ADGRL2: variants seen among roughly 807,000 people sequenced by gnomAD.
The protein encoded by ADGRL2 is adhesion G protein-coupled receptor L2.
ADGRL2 carries 44 observed loss-of-function variants against 157.4 expected under a neutral mutation model. That is an observed-to-expected ratio of 0.28 (90% confidence interval 0.22 to 0.36). ADGRL2 has a LOEUF of 0.36. ADGRL2 is among the 10% of genes least tolerant of loss of function. The pLI is 1.00. For synonymous variants in ADGRL2, 585 were observed against 624.7 expected (o/e 0.94, Z 0.95); for missense variants, 1,510 against 1,768.9 (o/e 0.85, Z 2.63).
chr1:81,366,280 A>G (rs2076065056), intron 1 of ADGRL2, among the ~76,000 whole-genome samples: 1 of 139,596 alleles, frequency 7.2e-6, no homozygotes. Context: ...CCAAGATATG[A>G]CACATTTGGC....
intron 6 of ADGRL2, among the ~76,000 whole-genome samples, chr1:81,945,351 G>A (rs1649463392): frequency 2.0e-5 from 3 of 151,902 alleles, no homozygotes; most frequent in Non-Finnish European, 4.4e-5. Flanking sequence ...TTTGTAGCCT[G>A]TATTAGTCTC....
chr1:81,523,192 A>T (rs2079366018), intron 2 of ADGRL2, among the ~76,000 whole-genome samples: 1 of 152,214 alleles, frequency 6.6e-6, no homozygotes, highest in Non-Finnish European at 1.5e-5. Flanking sequence ...GATGTCAATT[A>T]TCCTTAACTT....
chr1:81,850,589 G>A (rs1440406831), intron 2 of ADGRL2, among the ~76,000 whole-genome samples: 2 of 151,730 alleles, frequency 1.3e-5, no homozygotes, highest in African/African-American at 4.8e-5. Flanking sequence ...TTCATTCTTT[G>A]ACCTATTCAG....
intron 3 of ADGRL2, among the ~76,000 whole-genome samples, chr1:81,596,726 C>G (rs2081241496): frequency 6.6e-6 from 1 of 151,508 alleles, no homozygotes; most frequent in Non-Finnish European, 1.5e-5. Flanking sequence ...TAAAATGTAT[C>G]AAGCAACAGA....
At chr1:81,875,463 ATGAG>A (rs1418141768) in intron 2 of ADGRL2, among the ~76,000 whole-genome samples, 26 of 152,292 alleles carry the variant, frequency 1.7e-4, no homozygotes, top group African/African-American at 5.8e-4. Context: ...CAGAAACATT[ATGAG>A]TATGTTATGT....
intron 2 of ADGRL2, among the ~76,000 whole-genome samples, chr1:81,886,101 A>G (rs1328814704): frequency 6.6e-6 from 1 of 152,178 alleles, no homozygotes; most frequent in South Asian, 2.1e-4. Context: ...GCTTTAAATA[A>G]TTTATACCTG....
At chr1:81,528,038 G>A (rs2079506888) in intron 2 of ADGRL2, among the ~76,000 whole-genome samples, 1 of 152,184 alleles carries the variant, frequency 6.6e-6, no homozygotes, top group African/African-American at 2.4e-5. Flanking sequence ...CTGCACTCCA[G>A]TCTGGGCCAC....
chr1:81,398,571 G>C (rs2076697027), intron 1 of ADGRL2, among the ~76,000 whole-genome samples: 1 of 152,126 alleles, frequency 6.6e-6, no homozygotes, highest in African/African-American at 2.4e-5. Flanking sequence ...TGCAAGGCTG[G>C]TCTGGTGGTG....
At chr1:81,676,583 G>T (rs1361433126) in intron 3 of ADGRL2, among the ~76,000 whole-genome samples, 2 of 152,152 alleles carry the variant, frequency 1.3e-5, no homozygotes, top group African/African-American at 4.8e-5. Context: ...TTACAGGCGT[G>T]AGCCACCATC....
intron 3 of ADGRL2, among the ~76,000 whole-genome samples, chr1:81,678,288 G>A (rs568706143): frequency 9.2e-5 from 14 of 152,264 alleles, no homozygotes; most frequent in Admixed American, 5.2e-4. Context: ...CAAAAAAATC[G>A]ATGGTGTTAT....
At position 81,972,218 on chromosome 1, in the gene ADGRL2, A is replaced by C. The variant is rs376782604; in HGVS notation, c.3021+300A>C. Among the ~76,000 whole-genome samples, 8 of 152,242 alleles carry C rather than the reference A, an allele frequency of 5.3e-5. No homozygotes were observed. The South Asian group carries it at 1.7e-3, about 32-fold the overall frequency. ...ATGTTATAAATTAAATGAATATGTCAGAAAAGTGAAAGAATATTACCTTAA... is the reference window on the plus strand; with the variant it reads ...ATGTTATAAATTAAATGAATATGTCCGAAAAGTGAAAGAATATTACCTTAA... On this transcript the variant is annotated intron_variant, in intron 17 of 23. Coordinates refer to ENST00000686636, the MANE Select transcript of ADGRL2 (RefSeq NM_001366006.2).
At chr1:81,342,700 A>G (rs1210551225) in intron 1 of ADGRL2, among the ~76,000 whole-genome samples, 1 of 152,176 alleles carries the variant, frequency 6.6e-6, no homozygotes, top group Non-Finnish European at 1.5e-5. Flanking sequence ...CATATTAAGT[A>G]TCTTATATTT....
At position 81,494,316 on chromosome 1, in the gene ADGRL2, C is replaced by T. The variant is rs549837372; in HGVS notation, c.-248+49227C>T. On this transcript the variant is annotated intron_variant, in intron 2 of 24. Transcript: ENST00000370721. ...CCATTTTTAAAATCTGGTCTATACT[C>T]GTCATTTTAAAAAGTATAATCTGGA... Among the ~76,000 whole-genome samples, 7 of 152,182 alleles carry T rather than the reference C, an allele frequency of 4.6e-5. No homozygotes were observed. The South Asian group carries it at 1.2e-3, about 27-fold the overall frequency.
At chr1:81,749,163 T>G (rs966572111) in intron 1 of ADGRL2, among the ~76,000 whole-genome samples, 2 of 152,226 alleles carry the variant, frequency 1.3e-5, no homozygotes, top group African/African-American at 4.8e-5. Context: ...CTCAACTCTT[T>G]CTTTCCCTTC....
Position 81,342,007 on chromosome 1 carries a change from T to A in ADGRL2, c.-302+35498T>A, listed in dbSNP as rs114666517. 8.6e-3 allele frequency among the ~76,000 whole-genome samples: 1,315 copies of A among 152,294 alleles called. 16 individuals carry two copies. Among genetic ancestry groups the A allele is most frequent in the African/African-American group, 0.03 (1,255 of 41,566 alleles). ...TCAGACAAATGTATTCAATGCAGAC[T>A]GTGAAACTGACTGTGTCTGTGAGTG... On this transcript the variant is annotated intron_variant, in intron 1 of 24. Transcript: ENST00000370721.
At chr1:81,537,346 T>C (rs2079765254) in intron 2 of ADGRL2, among the ~76,000 whole-genome samples, 1 of 152,176 alleles carries the variant, frequency 6.6e-6, no homozygotes, top group Non-Finnish European at 1.5e-5. Context: ...TGCAATGGAG[T>C]GATCTTGGCT....
intron 2 of ADGRL2, among the ~76,000 whole-genome samples, chr1:81,840,599 C>T (rs997182355): frequency 6.6e-6 from 1 of 152,092 alleles, no homozygotes; most frequent in Non-Finnish European, 1.5e-5. Context: ...TTATATCTAT[C>T]TATCTCTATT....
In ADGRL2 at chr1:81,652,716, C is replaced by A. The variant is rs2082446374; in HGVS notation, c.-143+71736C>A. 2.6e-5 allele frequency among the ~76,000 whole-genome samples: 4 copies of A among 152,168 alleles called. No individual in the cohort carries two copies. In the South Asian group the frequency reaches 8.3e-4, roughly 32 times the overall value. ...TCAGAAACTATATGAAACAAATATG[C>A]AACTTAATGAATTTATGATAGTATA... is the stretch of plus-strand genomic sequence containing the variant. On this transcript the variant is annotated intron_variant, in intron 3 of 24. Transcript: ENST00000370721.
intron 1 of ADGRL2, among the ~76,000 whole-genome samples, chr1:81,804,549 G>T (rs556575137): frequency 6.6e-6 from 1 of 152,340 alleles, no homozygotes; most frequent in East Asian, 1.9e-4. Flanking sequence ...GTGGATTCAG[G>T]CTGTGTTTCT....
Sources: gnomAD v4.1 joint callset for allele counts (sites outside exome capture counted in the v4.1 genomes callset) on GRCh38, gnomAD v4.1.1 for gene constraint, MANE v1.5 for transcripts, NCBI Gene and HGNC (gene_info 2026-07-23, HGNC 2026-07-21) for gene names.